CTNNA2: variants seen among roughly 807,000 people sequenced by gnomAD.
CTNNA2 encodes the protein catenin alpha-2.
Under a neutral mutation model 101.0 loss-of-function variants are expected in CTNNA2, and 42 were observed. That is an observed-to-expected ratio of 0.42 (90% confidence interval 0.32 to 0.54). The LOEUF (loss-of-function observed/expected upper bound fraction) is 0.54, where lower values mean the gene tolerates loss of function less well. Among genes scored for constraint, CTNNA2 ranks in the 20% least tolerant of loss-of-function variants. CTNNA2 has a pLI of 0.14. For missense variants in CTNNA2, 871 were observed against 1,223.1 expected (o/e 0.71, Z 4.29); for synonymous variants, 450 against 456.4 (o/e 0.99, Z 0.18).
chr2:79,461,790 A>T (rs1348429454), intron 4 of CTNNA2, among the ~76,000 whole-genome samples: 1 of 152,158 alleles, frequency 6.6e-6, no homozygotes, highest in Non-Finnish European at 1.5e-5. Flanking sequence ...CATAAAGTCA[A>T]ATCAGCAATA....
rs139371564 is a variant in CTNNA2 at position 80,080,311 on chromosome 2, T to A, written c.1056+170514T>A. ...TGCCATACTCAAGACACTGTGGTACTGGCGAAAGGAGACACAAATGGATCA... is the reference window on the plus strand; with the variant it reads ...TGCCATACTCAAGACACTGTGGTACAGGCGAAAGGAGACACAAATGGATCA... On this transcript the variant is annotated intron_variant, in intron 7 of 18. Transcript: ENST00000402739. Among the ~76,000 whole-genome samples, 5 of 152,310 alleles carry A rather than the reference T, an allele frequency of 3.3e-5. No homozygotes were observed. In the East Asian group the frequency reaches 9.6e-4, roughly 29 times the overall value.
chr2:79,187,520 C>T (rs1673797234), intron 1 of CTNNA2, among the ~76,000 whole-genome samples: 1 of 152,010 alleles, frequency 6.6e-6, no homozygotes, highest in African/African-American at 2.4e-5. Context: ...AAAGCTATGA[C>T]CCAATAATCA....
Position 79,696,839 on chromosome 2 carries a change from TG to T in CTNNA2, c.102+45183del, listed in dbSNP as rs957093050. On this transcript the variant is annotated intron_variant, in intron 2 of 18. Coordinates refer to ENST00000402739, the MANE Select transcript of CTNNA2 (RefSeq NM_001282597.3). ...AGACTTGTCTTCTATAGCTTAATTT[TG>T]GCAAATCAGTATGGGTCTTTGAACT... 9.2e-5 allele frequency among the ~76,000 whole-genome samples: 14 copies of T among 152,076 alleles called. 1 individual carries two copies. The highest frequency in any genetic ancestry group is 3.4e-4 in the African/African-American group (14 of 41,432).
intron 1 of CTNNA2, among the ~76,000 whole-genome samples, chr2:79,546,011 C>T (rs1317701911): frequency 6.6e-6 from 1 of 152,150 alleles, no homozygotes; most frequent in Non-Finnish European, 1.5e-5. Flanking sequence ...AAGCTAAGTA[C>T]CATACCCAAG....
At chr2:80,376,101 CT>C (rs528260464) in intron 7 of CTNNA2, among the ~76,000 whole-genome samples, 38 of 152,014 alleles carry the variant, frequency 2.5e-4, no homozygotes, top group African/African-American at 8.7e-4. Context: ...AAAAATGAAT[CT>C]TTTTTTTGCC....
chr2:79,296,767 C>T (rs1011827013), intron 2 of CTNNA2, among the ~76,000 whole-genome samples: 5 of 152,140 alleles, frequency 3.3e-5, no homozygotes, highest in African/African-American at 1.2e-4. Context: ...CCTTCTAAAA[C>T]AACAGAACCA....
chr2:80,307,040 ATAAAT>A (rs1677092505), intron 7 of CTNNA2, among the ~76,000 whole-genome samples: 1 of 148,474 alleles, frequency 6.7e-6, no homozygotes, highest in African/African-American at 2.4e-5. Flanking sequence ...ATTAAAATAA[ATAAAT>A]TATATATATA....
At chr2:79,897,488 T>C (rs1684798880) in intron 6 of CTNNA2, among the ~76,000 whole-genome samples, 1 of 152,222 alleles carries the variant, frequency 6.6e-6, no homozygotes, top group Non-Finnish European at 1.5e-5. Context: ...TATAACTCAC[T>C]ACATTTCATA....
intron 7 of CTNNA2, among the ~76,000 whole-genome samples, chr2:79,992,377 G>A (rs1159810341): frequency 6.6e-6 from 1 of 152,154 alleles, no homozygotes; most frequent in African/African-American, 2.4e-5. Flanking sequence ...TGAAATGGAG[G>A]CAGTAAAACC....
At chr2:79,211,031 A>G (rs1250463247) in intron 2 of CTNNA2, among the ~76,000 whole-genome samples, 1 of 152,168 alleles carries the variant, frequency 6.6e-6, no homozygotes, top group African/African-American at 2.4e-5. Flanking sequence ...GAAACTTCCC[A>G]AATATAAAAT....
intron 1 of CTNNA2, among the ~76,000 whole-genome samples, chr2:79,584,336 A>T (rs889386220): frequency 6.6e-6 from 1 of 152,144 alleles, no homozygotes; most frequent in African/African-American, 2.4e-5. Flanking sequence ...AGAAGTATCC[A>T]GCCATAATTA....
rs373911339 is a variant in CTNNA2 at position 79,592,103 on chromosome 2, G to A, written c.-5-59449G>A. Among the ~76,000 whole-genome samples, 13 of 145,080 alleles carry A rather than the reference G, an allele frequency of 9.0e-5. No individual in the cohort carries two copies. In the East Asian group the frequency reaches 2.5e-3, roughly 28 times the overall value. ...TGACTGCTTTGAAAGAGTGTGAAAAGATGAATTACTTCTTTTTGCTTTTTT... is the reference window on the plus strand; with the variant it reads ...TGACTGCTTTGAAAGAGTGTGAAAAAATGAATTACTTCTTTTTGCTTTTTT... On this transcript the variant is annotated intron_variant, in intron 1 of 18. Coordinates refer to ENST00000402739, the MANE Select transcript of CTNNA2 (RefSeq NM_001282597.3).
chr2:79,315,231 G>A (rs1464056304), intron 3 of CTNNA2, among the ~76,000 whole-genome samples: 3 of 152,048 alleles, frequency 2.0e-5, no homozygotes, highest in East Asian at 3.9e-4. Flanking sequence ...TGAAAAAATT[G>A]TTAATAGATT....
intron 7 of CTNNA2, among the ~76,000 whole-genome samples, chr2:80,020,680 C>T (rs923494278): frequency 1.6e-4 from 24 of 152,256 alleles, no homozygotes; most frequent in African/African-American, 5.3e-4. Flanking sequence ...TAATCAATTT[C>T]TAAATAAAGG....
chr2:79,674,893 T>C (rs1398816608), intron 2 of CTNNA2, among the ~76,000 whole-genome samples: 1 of 152,234 alleles, frequency 6.6e-6, no homozygotes, highest in Non-Finnish European at 1.5e-5. Flanking sequence ...TTTATTCTCA[T>C]CTAAAATGAG....
rs77209850 is a variant in CTNNA2 at position 80,123,448 on chromosome 2, A to G, written c.1056+213651A>G. The stretch of plus-strand genomic sequence containing the variant: ...AACATTTGAATTGTTAGTGGTGCAG[A>G]AAAAAAAAAAAAAATACTCCAGGCC... On this transcript the variant is annotated intron_variant, in intron 7 of 18. Coordinates refer to ENST00000402739, the MANE Select transcript of CTNNA2 (RefSeq NM_001282597.3). Among the ~76,000 whole-genome samples the G allele has an allele frequency of 3.9e-3, 443 of 114,618 alleles. 9 individuals are homozygous for G. The Admixed American group carries it at 0.039, about 10-fold the overall frequency. 75.2% of individuals were successfully genotyped at this position (114,618 alleles called of 152,430 possible). A position where few individuals can be genotyped will look rare whatever the true frequency, so the allele number is the denominator to read the frequency against.
chr2:79,552,670 G>A (rs7588649), intron 1 of CTNNA2, among the ~76,000 whole-genome samples: 23,143 of 152,154 alleles, frequency 0.15, 1,856 homozygotes, highest in Middle Eastern at 0.27. Flanking sequence ...CTCACACTCT[G>A]CACACCCTGA....
At chr2:79,988,164 G>A (rs907560981) in intron 7 of CTNNA2, among the ~76,000 whole-genome samples, 1 of 152,166 alleles carries the variant, frequency 6.6e-6, no homozygotes, top group Non-Finnish European at 1.5e-5. Flanking sequence ...ACAGAATATG[G>A]CATCAAATCA....
At chr2:79,359,468 A>G (rs1677577928) in intron 3 of CTNNA2, among the ~76,000 whole-genome samples, 1 of 152,172 alleles carries the variant, frequency 6.6e-6, no homozygotes, top group African/African-American at 2.4e-5. Context: ...TCTTCCAGGC[A>G]TTCACATGTT....
Sources: allele counts gnomAD v4.1 joint callset (sites outside exome capture counted in the v4.1 genomes callset), GRCh38; gene constraint gnomAD v4.1.1; transcripts MANE v1.5; gene names NCBI Gene and HGNC (gene_info 2026-07-23, HGNC 2026-07-21).